PABIR3: variants seen among roughly 807,000 people sequenced by gnomAD.
PABIR3 encodes PABIR family member 1.
A neutral mutation model predicts 23.1 loss-of-function variants in PABIR3; 20 were observed. The observed-to-expected ratio is 0.86, with a 90% CI of 0.61 to 1.26. The LOEUF is 1.26. Among genes scored for constraint, PABIR3 ranks in the 50% most tolerant of loss-of-function variants. The probability of loss-of-function intolerance (pLI) is 0.00; values close to 1 mark genes in which losing one functional copy is unlikely to be tolerated. For missense variants in PABIR3, 189 were observed against 195.4 expected (o/e 0.97, Z 0.20); for synonymous variants, 69 against 68.5 (o/e 1.01, Z -0.04).
intron 2 of PABIR3, 96 bp from the exon 3 acceptor site, chrX:134,814,675 G>T: frequency 1.6e-6 from 1 of 632,978 alleles, no homozygotes. Context: ...CTCCAGCCTG[G>T]GCAACAGAAC....
intron 3 of PABIR3, among the ~76,000 whole-genome samples, chrX:134,823,325 G>A (rs2081370210): frequency 8.9e-6 from 1 of 111,793 alleles, no homozygotes; most frequent in African/African-American, 3.2e-5. Context: ...AATTTCTATA[G>A]AAAGTATATG....
intron 3 of PABIR3, chrX:134,821,525 C>A: frequency 8.7e-7 from 1 of 1,152,378 alleles, no homozygotes. Flanking sequence ...CCATCCCCAC[C>A]CCCTCCTCTT....
chrX:134,851,581 A>G (rs1226647557), intron 9 of PABIR3, among the ~76,000 whole-genome samples: 1 of 111,189 alleles, frequency 9.0e-6, no homozygotes, highest in Non-Finnish European at 1.9e-5. Flanking sequence ...AAGCCTTCAC[A>G]TCGGAATACT....
intron 4 of PABIR3, among the ~76,000 whole-genome samples, chrX:134,836,001 C>A (rs766140177): frequency 8.9e-6 from 1 of 111,812 alleles, no homozygotes; most frequent in East Asian, 2.8e-4. Context: ...CCACACCTGG[C>A]TAACTTTTGT....
rs2148348235 is a variant in PABIR3, at chrX:134,847,407, T to G, written c.370T>G (p.Ser124Ala). 1 of 1,207,140 alleles carries G rather than the reference T, an allele frequency of 8.3e-7. No homozygotes were observed. Among genetic ancestry groups the G allele is most frequent in the East Asian group, 3.0e-5 (1 of 33,793 alleles). The change falls in exon 7 of 11, where the codon TCC (serine) becomes GCC (alanine). Residue 124 changes from serine to alanine, a missense_variant. Transcript: ENST00000645433. ...KLNDNGLQKS[S>A]SLKCIDLTPV... ...GAATGACAATGGCTTACAGAAATCA[T>G]CCTCTCTAAAGTGCATTGATTTAAC...
intron 9 of PABIR3, among the ~76,000 whole-genome samples, chrX:134,851,536 GA>G (rs758441936): frequency 0.014 from 1,246 of 87,737 alleles, 17 homozygotes; most frequent in African/African-American, 0.041. Flanking sequence ...ACTCTGTCTG[GA>G]AAAAAAAAAA....
intron 3 of PABIR3, chrX:134,822,715 T>A: frequency 1.5e-6 from 1 of 648,803 alleles, no homozygotes; most frequent in Non-Finnish European, 1.8e-6. Context: ...AAGTCGGAGC[T>A]AAATGATAAG....
At chrX:134,822,694 T>C in intron 3 of PABIR3, 2 of 706,767 alleles carry the variant, frequency 2.8e-6, no homozygotes, top group Non-Finnish European at 3.4e-6. Flanking sequence ...ATACCATGTT[T>C]TCTCACTTAT....
intron 4 of PABIR3, among the ~76,000 whole-genome samples, chrX:134,837,500 T>G (rs1183854061): frequency 1.8e-5 from 2 of 112,264 alleles, no homozygotes; most frequent in East Asian, 5.5e-4. Flanking sequence ...ACAGTTCCCA[T>G]TTTTACCATG....
intron 3 of PABIR3, among the ~76,000 whole-genome samples, chrX:134,820,487 G>A (rs1476137349): frequency 9.0e-6 from 1 of 111,183 alleles, no homozygotes; most frequent in Non-Finnish European, 1.9e-5. Context: ...TGGTTGCTAG[G>A]GGCTGGGAGG....
At chrX:134,824,235 A>G (rs754711863) in intron 3 of PABIR3, among the ~76,000 whole-genome samples, 3 of 111,790 alleles carry the variant, frequency 2.7e-5, no homozygotes, top group South Asian at 7.4e-4. Context: ...TTGCTTAATC[A>G]CTGTAGCCCT....
At chrX:134,843,817 T>C (rs1196280923) in intron 4 of PABIR3, among the ~76,000 whole-genome samples, 1 of 109,431 alleles carries the variant, frequency 9.1e-6, no homozygotes, top group African/African-American at 3.3e-5. Context: ...TCCGCCCACC[T>C]CGGCCGCCCA....
At chrX:134,827,906 C>T (rs2081572887) in intron 3 of PABIR3, among the ~76,000 whole-genome samples, 1 of 108,966 alleles carries the variant, frequency 9.2e-6, no homozygotes, top group South Asian at 4.0e-4. Flanking sequence ...TCTGTTCTGC[C>T]ATTTGGCTGT....
At chrX:134,823,099 C>T (rs1446024528) in intron 3 of PABIR3, 1 of 110,189 alleles carries the variant, frequency 9.1e-6, no homozygotes, top group Non-Finnish European at 1.9e-5. Context: ...GAGATTGCAC[C>T]ACTGCACTCC....
chrX:134,813,904 G>A (rs991369691), intron 2 of PABIR3, among the ~76,000 whole-genome samples: 5 of 110,538 alleles, frequency 4.5e-5, no homozygotes, highest in African/African-American at 1.6e-4. Context: ...TTGTTATCAT[G>A]GGAATGTGGC....
the PABIR3 span, among the ~76,000 whole-genome samples, chrX:134,859,988 T>A: frequency 8.9e-6 from 1 of 112,097 alleles, no homozygotes; most frequent in Non-Finnish European, 1.9e-5. Flanking sequence ...GTTTGCTTCC[T>A]TAACTCGACT....
chrX:134,838,672 CCTCCCCCCT>C (rs2082070096), intron 4 of PABIR3: 1 of 18,893 alleles, frequency 5.3e-5, no homozygotes, highest in African/African-American at 2.0e-4. Flanking sequence ...CCCCTCCCCC[CCTCCCCCCT>C]CCCCCTCCCT....
intron 3 of PABIR3, among the ~76,000 whole-genome samples, chrX:134,824,643 T>G (rs903038503): frequency 1.8e-5 from 2 of 109,984 alleles, no homozygotes; most frequent in African/African-American, 6.6e-5. Context: ...CTACTAAAAA[T>G]ATAAAAATTA....
At chrX:134,836,146 A>T (rs1016895843) in intron 4 of PABIR3, among the ~76,000 whole-genome samples, 36 of 111,425 alleles carry the variant, frequency 3.2e-4, no homozygotes, top group African/African-American at 1.0e-3. Flanking sequence ...CCATTTTTTT[A>T]AATTTTTGGA....
Sources: allele counts gnomAD v4.1 joint callset (sites outside exome capture counted in the v4.1 genomes callset), GRCh38; gene constraint gnomAD v4.1.1; transcripts MANE v1.5; gene names NCBI Gene and HGNC (gene_info 2026-07-23, HGNC 2026-07-21).